Variants in ARHGAP15 observed in about 807,000 individuals in gnomAD.
The protein encoded by ARHGAP15 is Rho GTPase activating protein 15, also known as rho GTPase-activating protein 15.
Under a neutral mutation model 63.7 loss-of-function variants are expected in ARHGAP15, and 51 were observed. That is an observed-to-expected ratio of 0.80 (90% CI 0.64 to 1.01). The LOEUF (loss-of-function observed/expected upper bound fraction) is 1.01. Ranked by LOEUF, ARHGAP15 falls within the 50% of genes least tolerant of loss-of-function variation. The pLI is 0.00. For missense variants in ARHGAP15, 560 were observed against 564.6 expected (o/e 0.99, Z 0.08); for synonymous variants, 191 against 193.8 (o/e 0.99, Z 0.12).
At chr2:143,673,784 A>ATGTATATATAT (rs71404481) in intron 12 of ARHGAP15, among the ~76,000 whole-genome samples, 7 of 114,186 alleles carry the variant, frequency 6.1e-5, no homozygotes, top group African/African-American at 1.7e-4. Flanking sequence ...ATATATATAT[A>ATGTATATATAT]AACAACTCCT....
At position 143,747,003 on chromosome 2, in the gene ARHGAP15, CT is replaced by C. The variant is rs199782576; in HGVS notation, c.1245-20977del. On this transcript the variant is annotated intron_variant, in intron 13 of 13. Coordinates refer to ENST00000295095, the MANE Select transcript of ARHGAP15 (RefSeq NM_018460.4). The stretch of plus-strand genomic sequence containing the variant: ...TGCTATCTGCTTTATCATCTTTTAA[CT>C]TTTTTTTTGTTAATAGATTTTTCAA... Among the ~76,000 whole-genome samples, 1,328 of 151,512 alleles carry C rather than the reference CT, an allele frequency of 8.8e-3. 19 individuals are homozygous for C. Among genetic ancestry groups the C allele is most frequent in the African/African-American group, 0.03 (1,248 of 41,318 alleles).
chr2:143,489,562 G>A (rs1692486398), intron 9 of ARHGAP15, among the ~76,000 whole-genome samples: 5 of 151,898 alleles, frequency 3.3e-5, no homozygotes, highest in Admixed American at 2.0e-4. Context: ...TCCCAACTCG[G>A]TAAAAGGCAT....
chr2:143,656,675 T>A (rs1476225485), intron 12 of ARHGAP15, among the ~76,000 whole-genome samples: 1 of 152,214 alleles, frequency 6.6e-6, no homozygotes, highest in East Asian at 1.9e-4. Context: ...TTTATTCCCT[T>A]TTCTTTTGAA....
chr2:143,153,776 A>AATCATCTTC (rs1470751390), intron 1 of ARHGAP15, among the ~76,000 whole-genome samples: 16 of 141,420 alleles, frequency 1.1e-4, no homozygotes, highest in African/African-American at 3.8e-4. Flanking sequence ...TTATATAATA[A>AATCATCTTC]ATCTTCTTCT....
chr2:143,723,138 T>C (rs931859906), intron 13 of ARHGAP15, among the ~76,000 whole-genome samples: 1 of 152,248 alleles, frequency 6.6e-6, no homozygotes, highest in Non-Finnish European at 1.5e-5. Context: ...TGCAGGTTTA[T>C]AGCCTAGGAG....
At chr2:143,502,834 C>A (rs955935276) in intron 9 of ARHGAP15, among the ~76,000 whole-genome samples, 7 of 152,198 alleles carry the variant, frequency 4.6e-5, no homozygotes, top group Admixed American at 1.3e-4. Context: ...CCCACCTCAA[C>A]CTCCCCAAAT....
intron 11 of ARHGAP15, among the ~76,000 whole-genome samples, chr2:143,559,888 C>G (rs1483037163): frequency 6.6e-6 from 1 of 152,218 alleles, no homozygotes; most frequent in Non-Finnish European, 1.5e-5. Flanking sequence ...TTTTTGCATA[C>G]CTGCCTTGTA....
intron 8 of ARHGAP15, among the ~76,000 whole-genome samples, chr2:143,441,968 C>T (rs1689902668): frequency 6.6e-6 from 1 of 152,038 alleles, no homozygotes; most frequent in African/African-American, 2.4e-5. Flanking sequence ...ATGTGCATTT[C>T]CCAGTTCCAT....
At chr2:143,255,957 A>G (rs6747717) in intron 6 of ARHGAP15, among the ~76,000 whole-genome samples, 1 of 151,936 alleles carries the variant, frequency 6.6e-6, no homozygotes, top group African/African-American at 2.4e-5. Context: ...TATTCATCCA[A>G]CATTCAGGAG....
intron 9 of ARHGAP15, among the ~76,000 whole-genome samples, chr2:143,512,699 G>A (rs912132498): frequency 2.6e-5 from 4 of 152,286 alleles, no homozygotes; most frequent in African/African-American, 9.6e-5. Context: ...TGGGTGGGAG[G>A]GGATCTCATG....
intron 6 of ARHGAP15, among the ~76,000 whole-genome samples, chr2:143,330,127 AAAAACCAAAAACAAAAAAC>A (rs1684470486): frequency 1.2e-5 from 1 of 81,302 alleles, no homozygotes. Flanking sequence ...AAAAAAAAAA[AAAAACCAAAAACAAAAAAC>A]TAAACTAATG....
chr2:143,755,430 C>T (rs1359772174), intron 13 of ARHGAP15, among the ~76,000 whole-genome samples: 1 of 152,168 alleles, frequency 6.6e-6, no homozygotes, highest in African/African-American at 2.4e-5. Flanking sequence ...ATTTTTACAA[C>T]ACTAATTCTT....
At chr2:143,296,797 A>G (rs1024504289) in intron 6 of ARHGAP15, among the ~76,000 whole-genome samples, 4 of 151,848 alleles carry the variant, frequency 2.6e-5, no homozygotes, top group Admixed American at 6.6e-5. Context: ...AGTACCCAAT[A>G]GTTATTCTTC....
At chr2:143,717,209 C>T (rs1684846740) in intron 13 of ARHGAP15, among the ~76,000 whole-genome samples, 1 of 152,170 alleles carries the variant, frequency 6.6e-6, no homozygotes, top group African/African-American at 2.4e-5. Flanking sequence ...GATATTCTTC[C>T]AGAAGCAGCA....
Position 143,263,604 on chromosome 2 carries a change from C to T in ARHGAP15, c.474+13004C>T, listed in dbSNP as rs116013931. On this transcript the variant is annotated intron_variant, in intron 6 of 13. Coordinates refer to ENST00000295095, the MANE Select transcript of ARHGAP15 (RefSeq NM_018460.4). ...AGAGAGGCTAAAGAACTTCAACTGA[C>T]CAGTCATCTGGTACATTGGCTTACC... Among the ~76,000 whole-genome samples, 1,024 of 152,262 alleles carry T rather than the reference C, an allele frequency of 6.7e-3. 14 individuals carry two copies. Among genetic ancestry groups the T allele is most frequent in the African/African-American group, 0.023 (963 of 41,546 alleles).
At chr2:143,188,315 AT>A (rs1241382367) in intron 2 of ARHGAP15, among the ~76,000 whole-genome samples, 1 of 151,784 alleles carries the variant, frequency 6.6e-6, no homozygotes, top group East Asian at 1.9e-4. Context: ...TTTGTATTCA[AT>A]TTTCTTGGAT....
chr2:143,348,298 A>C (rs1451474261), intron 6 of ARHGAP15, among the ~76,000 whole-genome samples: 4 of 152,192 alleles, frequency 2.6e-5, no homozygotes, highest in Admixed American at 1.3e-4. Flanking sequence ...AGAGTAAGTT[A>C]TGTAAATTCT....
In ARHGAP15 at chr2:143,530,877, A is replaced by G. The variant is rs530099874; in HGVS notation, c.925+11513A>G. Among the ~76,000 whole-genome samples the G allele has an allele frequency of 3.3e-5, 5 of 152,288 alleles. No homozygotes were observed. In the East Asian group the frequency reaches 7.7e-4, roughly 24 times the overall value. The stretch of plus-strand genomic sequence containing the variant: ...TAATGCTCTGTTTACCTCTCCTTCT[A>G]ATGAAACCAGTCCCTTGTTTCATTT... On this transcript the variant is annotated intron_variant, in intron 10 of 13. Coordinates refer to ENST00000295095, the MANE Select transcript of ARHGAP15 (RefSeq NM_018460.4).
chr2:143,698,552 G>A (rs1438924095), intron 12 of ARHGAP15, among the ~76,000 whole-genome samples: 1 of 152,152 alleles, frequency 6.6e-6, no homozygotes, highest in African/African-American at 2.4e-5. Flanking sequence ...TTGAGAAGAT[G>A]GGGGCAGGTT....
Sources: gnomAD v4.1 joint callset for allele counts (sites outside exome capture counted in the v4.1 genomes callset) on GRCh38, gnomAD v4.1.1 for gene constraint, MANE v1.5 for transcripts, NCBI Gene and HGNC (gene_info 2026-07-23, HGNC 2026-07-21) for gene names.